The following NLGN1 variants were observed in gnomAD, a reference collection of about 807,000 sequenced individuals.
The protein encoded by NLGN1 is neuroligin 1.
NLGN1 carries 12 observed loss-of-function variants against 65.5 expected under a neutral mutation model. The ratio of observed to expected loss-of-function variants is 0.18; its 90% CI spans 0.12 to 0.30. The LOEUF (loss-of-function observed/expected upper bound fraction) is 0.30. Ranked by LOEUF, NLGN1 falls within the 10% of genes least tolerant of loss-of-function variation. The pLI, the probability that NLGN1 is intolerant of heterozygous loss-of-function variation, is 1.00. For synonymous variants in NLGN1, 350 were observed against 359.5 expected, an observed-to-expected ratio of 0.97 and a Z score of 0.30; for missense variants, 750 against 1,007.1, an observed-to-expected ratio of 0.74 and a Z score of 3.46.
intron 4 of NLGN1, among the ~76,000 whole-genome samples, chr3:173,859,339 A>G (rs943242256): frequency 1.3e-5 from 2 of 152,038 alleles, no homozygotes; most frequent in Admixed American, 6.6e-5. Flanking sequence ...AGGAGTTTGC[A>G]TTTGGGCCAC....
chr3:174,186,302 T>G (rs1319986895), intron 4 of NLGN1, among the ~76,000 whole-genome samples: 1 of 152,100 alleles, frequency 6.6e-6, no homozygotes, highest in Non-Finnish European at 1.5e-5. Flanking sequence ...CTTTTAGCTT[T>G]AAATTTGGTT....
chr3:173,911,581 A>G (rs566435064), intron 4 of NLGN1, among the ~76,000 whole-genome samples: 2 of 152,308 alleles, frequency 1.3e-5, no homozygotes, highest in East Asian at 3.9e-4. Context: ...GGCAAACCAA[A>G]TGCTTAGTGG....
At chr3:173,814,035 G>A (rs1718514394) in intron 4 of NLGN1, among the ~76,000 whole-genome samples, 1 of 152,244 alleles carries the variant, frequency 6.6e-6, no homozygotes, top group Non-Finnish European at 1.5e-5. Context: ...GCGAGGCCGA[G>A]GGCTAGGCCT....
chr3:173,878,149 C>T (rs976057682), intron 4 of NLGN1, among the ~76,000 whole-genome samples: 10 of 152,078 alleles, frequency 6.6e-5, no homozygotes, highest in Non-Finnish European at 1.5e-5. Flanking sequence ...TCAAGCGATT[C>T]TCCTGCCTCA....
chr3:173,925,711 C>A (rs1579225239), intron 4 of NLGN1, among the ~76,000 whole-genome samples: 2 of 152,044 alleles, frequency 1.3e-5, no homozygotes, highest in East Asian at 3.9e-4. Flanking sequence ...AAAAGTGGAT[C>A]TGTTGACAAA....
In NLGN1 at chr3:173,651,337, T is replaced by C. The variant is rs186168451; in HGVS notation, c.493+46246T>C. On this transcript the variant is annotated intron_variant, in intron 3 of 6. Coordinates refer to ENST00000457714, the Ensembl canonical transcript of NLGN1. ...TGTATATATAATAAGTTGTTATATA[T>C]ATATTACTTTTTTATTCGCTCATCT... Among the ~76,000 whole-genome samples, 410 of 151,556 alleles carry C rather than the reference T, an allele frequency of 2.7e-3. 4 individuals carry two copies. Among genetic ancestry groups the C allele is most frequent in the Admixed American group, 0.01 (154 of 15,194 alleles).
chr3:173,614,729 C>T (rs1285287952), intron 3 of NLGN1, among the ~76,000 whole-genome samples: 1 of 152,078 alleles, frequency 6.6e-6, no homozygotes, highest in Non-Finnish European at 1.5e-5. Flanking sequence ...CCCACACACA[C>T]CCACTTGGAC....
At chr3:173,522,899 T>C (rs1173213350) in intron 2 of NLGN1, among the ~76,000 whole-genome samples, 1 of 152,156 alleles carries the variant, frequency 6.6e-6, no homozygotes, top group Admixed American at 6.5e-5. Context: ...AGAGTATAAG[T>C]GTTCTGTTTT....
At chr3:173,947,663 G>A (rs1747449722) in intron 4 of NLGN1, among the ~76,000 whole-genome samples, 1 of 151,892 alleles carries the variant, frequency 6.6e-6, no homozygotes, top group Non-Finnish European at 1.5e-5. Flanking sequence ...ATACAATACA[G>A]GCATGAAATA....
chr3:173,727,396 C>A (rs1268346896), intron 3 of NLGN1, among the ~76,000 whole-genome samples: 1 of 152,154 alleles, frequency 6.6e-6, no homozygotes, highest in African/African-American at 2.4e-5. Context: ...TAAAGCACAT[C>A]TTTCAATGCT....
intron 1 of NLGN1, among the ~76,000 whole-genome samples, chr3:173,424,283 A>C (rs1715693226): frequency 6.6e-6 from 1 of 152,126 alleles, no homozygotes; most frequent in Admixed American, 6.5e-5. Context: ...AAGGTCTCTG[A>C]CATGCCCTGG....
chr3:173,846,334 G>A (rs13072278), intron 4 of NLGN1, among the ~76,000 whole-genome samples: 2 of 151,830 alleles, frequency 1.3e-5, no homozygotes, highest in Non-Finnish European at 2.9e-5. Context: ...GTGACCCAGG[G>A]CTCAGTGCTT....
At chr3:173,945,197 G>A (rs777601699) in intron 4 of NLGN1, among the ~76,000 whole-genome samples, 9 of 151,788 alleles carry the variant, frequency 5.9e-5, no homozygotes, top group Admixed American at 1.3e-4. Context: ...GGTGTTTTCC[G>A]TCATGCCTGG....
intron 2 of NLGN1, among the ~76,000 whole-genome samples, chr3:173,538,003 G>C (rs2149209395): frequency 2.0e-5 from 3 of 152,278 alleles, no homozygotes; most frequent in Admixed American, 2.0e-4. Context: ...TGGAATAATT[G>C]TTGTGTCACC....
chr3:173,741,317 G>A (rs1774608245), intron 3 of NLGN1, among the ~76,000 whole-genome samples: 1 of 152,016 alleles, frequency 6.6e-6, no homozygotes, highest in Non-Finnish European at 1.5e-5. Flanking sequence ...GGCCATCATA[G>A]AAAAATTGAT....
intron 2 of NLGN1, among the ~76,000 whole-genome samples, chr3:173,591,818 TG>T (rs1215790349): frequency 2.6e-5 from 4 of 152,188 alleles, no homozygotes. Context: ...CTTCTTAGGT[TG>T]TGCTAGCTTC....
At chr3:174,157,917 T>C (rs984720061) in intron 4 of NLGN1, among the ~76,000 whole-genome samples, 9 of 151,754 alleles carry the variant, frequency 5.9e-5, no homozygotes, top group African/African-American at 2.2e-4. Flanking sequence ...CTTTAATACT[T>C]TTTAGTCTTA....
At chr3:174,060,322 A>G (rs1252634886) in intron 4 of NLGN1, among the ~76,000 whole-genome samples, 2 of 152,058 alleles carry the variant, frequency 1.3e-5, no homozygotes, top group East Asian at 1.9e-4. Context: ...GATAACTTGG[A>G]CTTTTCAAGT....
At chr3:173,736,235 T>A (rs1773719811) in intron 3 of NLGN1, among the ~76,000 whole-genome samples, 1 of 152,074 alleles carries the variant, frequency 6.6e-6, no homozygotes, top group South Asian at 2.1e-4. Context: ...CTTCTTTTCT[T>A]TCTCCTTTCT....
Sources: allele counts gnomAD v4.1 joint callset (sites outside exome capture counted in the v4.1 genomes callset), GRCh38; gene constraint gnomAD v4.1.1; transcripts MANE v1.5; gene names NCBI Gene and HGNC (gene_info 2026-07-23, HGNC 2026-07-21).